The following CWF19L2 variants were observed in gnomAD, a reference collection of about 807,000 sequenced individuals.
CWF19L2 encodes the protein CWF19 like cell cycle control factor 2, also known as CWF19-like protein 2.
CWF19L2 carries 98 observed loss-of-function variants against 111.7 expected under a neutral mutation model. The observed-to-expected ratio is 0.88, with a 90% CI of 0.75 to 1.04. The LOEUF (loss-of-function observed/expected upper bound fraction) is 1.04, where lower values mean the gene tolerates loss of function less well. CWF19L2 is among the 50% of genes least tolerant of loss of function. The probability of loss-of-function intolerance (pLI) is 0.00; values close to 1 mark genes in which losing one functional copy is unlikely to be tolerated. For missense variants in CWF19L2, 1,101 were observed against 1,051.4 expected, an observed-to-expected ratio of 1.05 and a Z score of -0.65; for synonymous variants, 351 against 342.9, an observed-to-expected ratio of 1.02 and a Z score of -0.26.
intron 12 of CWF19L2, among the ~76,000 whole-genome samples, chr11:107,381,366 A>T (rs984022452): frequency 2.6e-5 from 4 of 152,158 alleles, no homozygotes; most frequent in Non-Finnish European, 4.4e-5. Context: ...AAAAACAAAA[A>T]TTATTTTGTT....
At chr11:107,352,540 T>C (rs571737566) in intron 13 of CWF19L2, among the ~76,000 whole-genome samples, 22 of 152,292 alleles carry the variant, frequency 1.4e-4, no homozygotes, top group Non-Finnish European at 2.8e-4. Flanking sequence ...AGAATGAACA[T>C]AACTCTTATT....
At chr11:107,331,556 G>A (rs1228306159) in intron 16 of CWF19L2, among the ~76,000 whole-genome samples, 2 of 152,194 alleles carry the variant, frequency 1.3e-5, no homozygotes, top group Non-Finnish European at 2.9e-5. Context: ...AAAAGGCAAA[G>A]GAATGGATTC....
intron 16 of CWF19L2, among the ~76,000 whole-genome samples, chr11:107,333,874 T>C (rs1349432857): frequency 1.3e-5 from 2 of 152,142 alleles, no homozygotes; most frequent in Non-Finnish European, 2.9e-5. Flanking sequence ...ACTGGCAAAC[T>C]TTTTCTGAAA....
At chr11:107,446,756 C>T (rs1229270208) in intron 3 of CWF19L2, among the ~76,000 whole-genome samples, 1 of 152,052 alleles carries the variant, frequency 6.6e-6, no homozygotes, top group African/African-American at 2.4e-5. Context: ...CTTTCAATAG[C>T]ACTAGTCAGA....
At chr11:107,332,212 A>G (rs1859859868) in intron 16 of CWF19L2, among the ~76,000 whole-genome samples, 2 of 152,210 alleles carry the variant, frequency 1.3e-5, no homozygotes, top group African/African-American at 4.8e-5. Flanking sequence ...TGCTATAGTT[A>G]TCACAAAATT....
chr11:107,346,468 G>C (rs1166931456), intron 14 of CWF19L2, among the ~76,000 whole-genome samples: 2 of 152,156 alleles, frequency 1.3e-5, no homozygotes, highest in South Asian at 4.1e-4. Context: ...TCATACCTTG[G>C]GGAGGAGAAA....
At chr11:107,436,562 C>T (rs1861544210) in intron 6 of CWF19L2, among the ~76,000 whole-genome samples, 1 of 152,150 alleles carries the variant, frequency 6.6e-6, no homozygotes. Flanking sequence ...TGGACCTTTG[C>T]TCCTTCATCT....
At chr11:107,427,830 A>C (rs1861402098) in intron 8 of CWF19L2, among the ~76,000 whole-genome samples, 1 of 152,086 alleles carries the variant, frequency 6.6e-6, no homozygotes, top group Non-Finnish European at 1.5e-5. Context: ...ACCAGAGTCC[A>C]TTTGACTGGG....
chr11:107,378,637 G>T (rs12794118), intron 12 of CWF19L2, among the ~76,000 whole-genome samples: 21,645 of 152,074 alleles, frequency 0.14, 1,647 homozygotes, highest in South Asian at 0.17. Context: ...GGAGGAGGGA[G>T]GGATAGCACT....
rs771746105 is a variant in CWF19L2, at chr11:107,348,971, G to A, written c.2168C>T (p.Thr723Ile). 4.3e-6 allele frequency: 7 copies of A among 1,609,368 alleles called. No individual in the cohort carries two copies. The African/African-American group carries it at 5.3e-5, about 12-fold the overall frequency. ...IVPLQHHRAA[T>I]LLDEDIWEEI... Reference sequence around the variant, plus strand: ...CTCCCAGATGTCTTCATCCAACAAAGTAGCTGCTCTATGGTGCTGCAAAGG... The same window carrying A: ...CTCCCAGATGTCTTCATCCAACAAAATAGCTGCTCTATGGTGCTGCAAAGG... Residue 723 changes from threonine to isoleucine, a missense_variant, in exon 14 of 18, where the codon ACT (threonine) becomes ATT (isoleucine). By Grantham distance (89) the Thr-to-Ile change is moderately conservative. Coordinates refer to ENST00000282251, the MANE Select transcript of CWF19L2 (RefSeq NM_152434.3).
At chr11:107,446,974 A>G (rs919575984) in intron 3 of CWF19L2, among the ~76,000 whole-genome samples, 1 of 152,140 alleles carries the variant, frequency 6.6e-6, no homozygotes, top group Non-Finnish European at 1.5e-5. Context: ...TCTCTTGTGC[A>G]GCCTGCAGAA....
At chr11:107,428,418 A>G (rs548512746) in intron 8 of CWF19L2, among the ~76,000 whole-genome samples, 1 of 152,230 alleles carries the variant, frequency 6.6e-6, no homozygotes, top group African/African-American at 2.4e-5. Flanking sequence ...ATAGACATGC[A>G]GTATTTATGA....
At chr11:107,397,679 T>C (rs1260765607) in intron 10 of CWF19L2, among the ~76,000 whole-genome samples, 1 of 152,074 alleles carries the variant, frequency 6.6e-6, no homozygotes, top group Non-Finnish European at 1.5e-5. Flanking sequence ...TGATGCTCTC[T>C]GGAAAGTGCC....
At position 107,428,981 on chromosome 11, in the gene CWF19L2, T is replaced by C. The variant is rs777930065; in HGVS notation, c.1251A>G (p.Thr417=). 6.2e-6 allele frequency: 10 copies of C among 1,613,802 alleles called. No individual in the cohort carries two copies. The South Asian group carries it at 8.8e-5, about 14-fold the overall frequency. ...KPTKNSEERL[T]SWSRSDGRGD... ...CTCTCCCATCAGAGCGACTCCATGA[T>C]GTTAATCTTTCTTCACTGTTCTTGG... Residue 417 remains threonine, a synonymous_variant, in exon 8 of 18, where the codon ACA becomes ACG. Transcript: ENST00000282251.
chr11:107,349,045 T>C lies in CWF19L2; in HGVS notation c.2094A>G (p.Leu698=), dbSNP rs755563349. The stretch of plus-strand genomic sequence containing the variant: ...TAAGAGACCGTACGTTGGGTAAACA[T>C]AAATAAACCTATAAGAGAGAAATAC... ...LIVAIGVKVY[L]CLPNVRSLTE... The change falls in exon 14 of 18, where the codon TTA becomes TTG. Residue 698 remains leucine (L), a synonymous_variant. Coordinates refer to ENST00000282251, the MANE Select transcript of CWF19L2 (RefSeq NM_152434.3). 1.3e-6 allele frequency: 2 copies of C among 1,557,082 alleles called. No individual in the cohort carries two copies. The highest frequency in any genetic ancestry group is 1.8e-6 in the Non-Finnish European group (2 of 1,132,530).
intron 12 of CWF19L2, among the ~76,000 whole-genome samples, chr11:107,389,029 C>A (rs1432226816): frequency 6.6e-6 from 1 of 152,170 alleles, no homozygotes; most frequent in East Asian, 1.9e-4. Flanking sequence ...CATACAGATA[C>A]CTTGGTTACT....
intron 12 of CWF19L2, among the ~76,000 whole-genome samples, chr11:107,368,127 C>T (rs1006009406): frequency 5.6e-5 from 1 of 17,922 alleles, no homozygotes; most frequent in Non-Finnish European, 1.1e-4. Flanking sequence ...CCCCCCCCCA[C>T]ACAAAAATAC....
chr11:107,368,795 A>G (rs2134567814), intron 12 of CWF19L2, among the ~76,000 whole-genome samples: 1 of 138,718 alleles, frequency 7.2e-6, no homozygotes, highest in East Asian at 2.1e-4. Context: ...CTTTTAAAAT[A>G]TAATAAATGA....
At chr11:107,373,983 C>G (rs1444610158) in intron 12 of CWF19L2, among the ~76,000 whole-genome samples, 1 of 136,474 alleles carries the variant, frequency 7.3e-6, no homozygotes, top group Non-Finnish European at 1.6e-5. Context: ...GCAGAAGCCT[C>G]AGGAGCTGAT....
Sources: gnomAD v4.1 joint callset for allele counts (sites outside exome capture counted in the v4.1 genomes callset) on GRCh38, gnomAD v4.1.1 for gene constraint, MANE v1.5 for transcripts, NCBI Gene and HGNC (gene_info 2026-07-23, HGNC 2026-07-21) for gene names.